ASTN2: variants seen among roughly 807,000 people sequenced by gnomAD.
ASTN2 encodes the protein astrotactin 2.
A neutral mutation model predicts 139.8 loss-of-function variants in ASTN2; 54 were observed. The observed-to-expected ratio is 0.39, with a 90% CI of 0.31 to 0.48. ASTN2 has a LOEUF of 0.48. Among genes scored for constraint, ASTN2 ranks in the 20% least tolerant of loss-of-function variants. ASTN2 has a pLI of 0.95. For synonymous variants in ASTN2, 756 were observed against 719.5 expected, an observed-to-expected ratio of 1.05 and a Z score of -0.81; for missense variants, 1,565 against 1,725.1, an observed-to-expected ratio of 0.91 and a Z score of 1.64.
At chr9:116,974,507 T>C (rs892678317) in intron 10 of ASTN2, among the ~76,000 whole-genome samples, 1 of 57,904 alleles carries the variant, frequency 1.7e-5, no homozygotes, top group Non-Finnish European at 3.8e-5. Flanking sequence ...TAGCCTGGAC[T>C]TTTTTTTTTT....
chr9:116,792,625 G>A (rs769609195), intron 13 of ASTN2, among the ~76,000 whole-genome samples: 3 of 152,114 alleles, frequency 2.0e-5, no homozygotes, highest in Non-Finnish European at 2.9e-5. Context: ...ATGCACCGGG[G>A]GCCTATTGGA....
chr9:116,639,629 C>T (rs1857236088), intron 17 of ASTN2, among the ~76,000 whole-genome samples: 1 of 152,132 alleles, frequency 6.6e-6, no homozygotes, highest in African/African-American at 2.4e-5. Context: ...CCCAGCATTG[C>T]CCTGGCTGGG....
intron 19 of ASTN2, chr9:116,582,643 TC>T (rs1216171859): frequency 6.6e-6 from 1 of 152,226 alleles, no homozygotes; most frequent in Non-Finnish European, 1.5e-5. Context: ...CTACCAATGT[TC>T]CCTAAGTACT....
chr9:116,858,332 A>T (rs1438150138), intron 11 of ASTN2, among the ~76,000 whole-genome samples: 1 of 152,220 alleles, frequency 6.6e-6, no homozygotes, highest in Non-Finnish European at 1.5e-5. Context: ...AAAAGGGTTA[A>T]GGAGGACGCA....
intron 17 of ASTN2, among the ~76,000 whole-genome samples, chr9:116,647,160 T>G (rs1260190238): frequency 6.6e-6 from 1 of 152,212 alleles, no homozygotes; most frequent in Non-Finnish European, 1.5e-5. Context: ...AATACACGCT[T>G]GCAATCCACC....
At chr9:116,828,487 C>A (rs1360841131) in intron 11 of ASTN2, among the ~76,000 whole-genome samples, 2 of 151,246 alleles carry the variant, frequency 1.3e-5, no homozygotes, top group East Asian at 3.9e-4. Context: ...TCCATAGATA[C>A]AGAAAAAAAA....
At chr9:116,499,076 A>G (rs1849767648) in intron 19 of ASTN2, among the ~76,000 whole-genome samples, 1 of 152,180 alleles carries the variant, frequency 6.6e-6, no homozygotes, top group Admixed American at 6.5e-5. Context: ...CACCCCGACT[A>G]ATGCAAATCC....
intron 10 of ASTN2, among the ~76,000 whole-genome samples, chr9:116,907,717 A>G (rs543177917): frequency 9.7e-4 from 148 of 152,324 alleles, no homozygotes; most frequent in African/African-American, 3.4e-3. Context: ...CATTTGAGCT[A>G]GAAAACAAAA....
At position 117,135,012 on chromosome 9, in the gene ASTN2, C is replaced by A. The variant is rs149256186; in HGVS notation, c.1168+6314G>T. Among the ~76,000 whole-genome samples, 980 of 152,308 alleles carry A rather than the reference C, an allele frequency of 6.4e-3. 8 individuals carry two copies. The highest frequency in any genetic ancestry group is 0.022 in the African/African-American group (924 of 41,564). ...CATTCTTAGCTCAGAGAGGGAGATG[C>A]CTCACCTTCTAGAGCCTCATAGCTC... is the stretch of plus-strand genomic sequence containing the variant. On this transcript the variant is annotated intron_variant, in intron 4 of 22. Coordinates refer to ENST00000313400, the MANE Select transcript of ASTN2 (RefSeq NM_001365068.1).
At chr9:117,282,320 C>T (rs904466297) in intron 2 of ASTN2, among the ~76,000 whole-genome samples, 9 of 152,222 alleles carry the variant, frequency 5.9e-5, no homozygotes, top group Non-Finnish European at 1.3e-4. Context: ...TAGCTATACA[C>T]GTTCTTATTC....
At chr9:116,936,160 A>G (rs1331652222) in intron 10 of ASTN2, among the ~76,000 whole-genome samples, 1 of 146,444 alleles carries the variant, frequency 6.8e-6, no homozygotes, top group Non-Finnish European at 1.5e-5. Flanking sequence ...CACCACCTCC[A>G]TCACTACCAC....
chr9:116,473,591 A>G (rs887778684), intron 20 of ASTN2, among the ~76,000 whole-genome samples: 2 of 152,172 alleles, frequency 1.3e-5, no homozygotes, highest in Non-Finnish European at 1.5e-5. Flanking sequence ...TCATCATTTC[A>G]GTTGGCAGAT....
At position 116,435,652 on chromosome 9, in the gene ASTN2, C is replaced by A. The variant is rs1013610906; in HGVS notation, c.3782+4957G>T. On this transcript the variant is annotated intron_variant, in intron 22 of 22. Transcript: ENST00000313400. ...TTCTGATGAGAAGACTCTCTCCCTT[C>A]CACCTGGAGGACCCTTCTTCATTCT... Among the ~76,000 whole-genome samples the A allele has an allele frequency of 1.4e-4, 21 of 152,348 alleles. No individual in the cohort carries two copies. The South Asian group carries it at 2.3e-3, about 17-fold the overall frequency.
At chr9:116,868,843 A>G (rs1261092916) in intron 10 of ASTN2, among the ~76,000 whole-genome samples, 2 of 152,064 alleles carry the variant, frequency 1.3e-5, no homozygotes, top group Admixed American at 6.5e-5. Flanking sequence ...CTCTGTCCCC[A>G]TCATCATATG....
chr9:116,830,287 A>G (rs1216531275), intron 11 of ASTN2, among the ~76,000 whole-genome samples: 1 of 152,240 alleles, frequency 6.6e-6, no homozygotes, highest in African/African-American at 2.4e-5. Flanking sequence ...GTGAGATACC[A>G]TCTCACACCA....
chr9:116,545,799 A>C (rs529612272), intron 19 of ASTN2: 1 of 152,330 alleles, frequency 6.6e-6, no homozygotes, highest in African/African-American at 2.4e-5. Flanking sequence ...GATGAAACAC[A>C]ATTCTAGCAT....
intron 3 of ASTN2, among the ~76,000 whole-genome samples, chr9:117,148,742 T>A (rs1039716971): frequency 1.3e-5 from 2 of 152,174 alleles, no homozygotes; most frequent in Non-Finnish European, 2.9e-5. Context: ...TTTATCTATA[T>A]TTTTTTAGAT....
At chr9:116,512,460 G>A (rs1267821152) in intron 19 of ASTN2, among the ~76,000 whole-genome samples, 3 of 152,174 alleles carry the variant, frequency 2.0e-5, no homozygotes, top group Admixed American at 1.3e-4. Flanking sequence ...ATGTGGTGCT[G>A]AGAAGAATGT....
intron 14 of ASTN2, among the ~76,000 whole-genome samples, chr9:116,729,481 G>A (rs1828720769): frequency 6.6e-6 from 1 of 152,210 alleles, no homozygotes; most frequent in Non-Finnish European, 1.5e-5. Flanking sequence ...TGAGGCTCAA[G>A]TAAGGTACCA....
Sources: gnomAD v4.1 joint callset for allele counts (sites outside exome capture counted in the v4.1 genomes callset) on GRCh38, gnomAD v4.1.1 for gene constraint, MANE v1.5 for transcripts, NCBI Gene and HGNC (gene_info 2026-07-23, HGNC 2026-07-21) for gene names.